AHRR: variants seen among roughly 807,000 people sequenced by gnomAD.
The protein encoded by AHRR is aryl hydrocarbon receptor repressor, also known as ahR repressor.
A neutral mutation model predicts 44.0 loss-of-function variants in AHRR; 28 were observed. The observed-to-expected ratio is 0.64, with a 90% CI of 0.47 to 0.87. The LOEUF (loss-of-function observed/expected upper bound fraction) is 0.87. AHRR is among the 40% of genes least tolerant of loss of function. The pLI is 0.00. For missense variants in AHRR, 990 were observed against 953.9 expected, an observed-to-expected ratio of 1.04 and a Z score of -0.50; for synonymous variants, 434 against 407.0, an observed-to-expected ratio of 1.07 and a Z score of -0.80.
intron 2 of AHRR, among the ~76,000 whole-genome samples, 183 bp from the exon 3 acceptor site, chr5:353,547 G>A (rs1383471503): frequency 6.6e-6 from 1 of 152,192 alleles, no homozygotes; most frequent in Non-Finnish European, 1.5e-5. Flanking sequence ...CTTGGCTGTT[G>A]TGCGCTGTGG....
rs1357825671 is a variant in AHRR at position 337,469 on chromosome 5, C to T, written c.-10-6424C>T. On this transcript the variant is annotated intron_variant, in intron 1 of 10. Coordinates refer to ENST00000684583, the MANE Select transcript of AHRR (RefSeq NM_001377236.1). This position sits in a 1 kb window ranked among gnomAD's most constrained non-coding sequence, Gnocchi z 4.1. ...TCTGGGCTCACTGCAGCCTTGACCT[C>T]CCAGGCTCAAGCGATACTCCTGCCT... Among the ~76,000 whole-genome samples, 1 of 152,158 alleles carries T rather than the reference C, an allele frequency of 6.6e-6. No individual in the cohort carries two copies. The highest frequency in any genetic ancestry group is 1.9e-4 in the East Asian group (1 of 5,196).
Position 427,941 on chromosome 5 carries a change from G to GA in AHRR, c.847dup (p.Met283AsnfsTer58). The GA allele has an allele frequency of 6.2e-7, 1 of 1,614,084 alleles. No homozygotes were observed. Among genetic ancestry groups the GA allele is most frequent in the Non-Finnish European group, 8.5e-7 (1 of 1,180,038 alleles). On this transcript the variant is annotated frameshift_variant, in exon 8 of 11. Transcript: ENST00000684583. The stretch of plus-strand genomic sequence containing the variant: ...TTCTCCTCCCCTCCGCAGCGGAGAT[G>GA]AAAATGAGGAGCGCGCTCCTGAGGG...
chr5:398,767 G>A (rs567385809), intron 4 of AHRR, among the ~76,000 whole-genome samples: 1 of 152,312 alleles, frequency 6.6e-6, no homozygotes, highest in South Asian at 2.1e-4. Context: ...GGGCTGGCAG[G>A]GCCTTCTGCC....
intron 5 of AHRR, 86 bp from the exon 6 acceptor site, chr5:422,643 G>A (rs1736182226): frequency 6.3e-7 from 1 of 1,587,014 alleles, no homozygotes; most frequent in South Asian, 1.1e-5. Context: ...CAAGTGGAGT[G>A]GAAATTTTTC....
At chr5:393,996 C>G (rs543908684) in intron 4 of AHRR, among the ~76,000 whole-genome samples, 5 of 152,316 alleles carry the variant, frequency 3.3e-5, no homozygotes, top group African/African-American at 1.2e-4. Flanking sequence ...TTCTTCCCAG[C>G]CGAGGTCTCT....
rs554225853 is a variant in AHRR at position 374,018 on chromosome 5, G to T, written c.245-2592G>T. 5.1e-3 allele frequency among the ~76,000 whole-genome samples: 780 copies of T among 152,184 alleles called. 11 individuals carry two copies. The highest frequency in any genetic ancestry group is 0.018 in the African/African-American group (732 of 41,556). On this transcript the variant is annotated intron_variant, in intron 3 of 10. Coordinates refer to ENST00000684583, the MANE Select transcript of AHRR (RefSeq NM_001377236.1). Reference sequence around the variant, plus strand: ...GCACCTACGCGCTTCTCGGGGAAAAGGCCGGGGCTGCCGGGTCCGCGGGGC... The same window carrying T: ...GCACCTACGCGCTTCTCGGGGAAAATGCCGGGGCTGCCGGGTCCGCGGGGC...
At chr5:399,667 G>A (rs1223074370) in intron 4 of AHRR, among the ~76,000 whole-genome samples, 5 of 152,272 alleles carry the variant, frequency 3.3e-5, no homozygotes, top group South Asian at 2.1e-4. Context: ...AGGTGAGGGC[G>A]GAGGCGGCGT....
At chr5:398,303 G>A (rs1355730295) in intron 4 of AHRR, among the ~76,000 whole-genome samples, 1 of 151,992 alleles carries the variant, frequency 6.6e-6, no homozygotes, top group Non-Finnish European at 1.5e-5. Flanking sequence ...GTTAGCCCCT[G>A]ACCTTCCGCG....
chr5:424,029 A>G, intron 7 of AHRR, 52 bp downstream of exon 7: 1 of 1,562,986 alleles, frequency 6.4e-7, no homozygotes, highest in Non-Finnish European at 8.6e-7. Context: ...GATGCATTCT[A>G]CCCTGGTGTG....
intron 4 of AHRR, among the ~76,000 whole-genome samples, chr5:413,062 G>A (rs556643105): frequency 2.0e-5 from 3 of 152,198 alleles, no homozygotes; most frequent in South Asian, 2.1e-4. Context: ...CTCCTGCCTC[G>A]TCTTAGGTAC....
intron 8 of AHRR, among the ~76,000 whole-genome samples, chr5:429,467 G>T (rs113129808): frequency 0.27 from 40,086 of 150,988 alleles, 6,860 homozygotes; most frequent in Non-Finnish European, 0.39. Flanking sequence ...AGGGCAGAGG[G>T]GTGGTCTGGG....
intron 10 of AHRR, 96 bp downstream of exon 10, chr5:433,043 A>G (rs1736812734): frequency 7.2e-7 from 1 of 1,393,982 alleles, no homozygotes; most frequent in South Asian, 1.5e-5. Flanking sequence ...GAAGAAAAAT[A>G]AAAAAGACGA....
At chr5:372,641 C>A (rs1270380686) in intron 3 of AHRR, among the ~76,000 whole-genome samples, 1 of 152,200 alleles carries the variant, frequency 6.6e-6, no homozygotes, top group Admixed American at 6.5e-5. Flanking sequence ...GGTGCGTGAT[C>A]TCCAATGGCA....
At chr5:322,431 C>CGTCCCACGGGCCT (rs1334506605) in intron 1 of AHRR, 1 of 152,030 alleles carries the variant, frequency 6.6e-6, no homozygotes, top group African/African-American at 2.4e-5. Context: ...TGTGCAGAAG[C>CGTCCCACGGGCCT]GTCCCACGGG....
intron 7 of AHRR, 178 bp from the exon 8 acceptor site, chr5:427,629 C>T (rs754981916): frequency 1.2e-6 from 2 of 1,613,108 alleles, no homozygotes; most frequent in Non-Finnish European, 8.5e-7. Flanking sequence ...CATCGAATCA[C>T]TCTGCAGGCC....
intron 4 of AHRR, among the ~76,000 whole-genome samples, chr5:393,385 C>T (rs148656386): frequency 5.3e-5 from 8 of 152,240 alleles, no homozygotes; most frequent in Admixed American, 3.3e-4. Flanking sequence ...TTCCTCCTCC[C>T]GAGTGTTCCT....
At chr5:380,531 A>G (rs1283373628) in intron 4 of AHRR, among the ~76,000 whole-genome samples, 1 of 152,190 alleles carries the variant, frequency 6.6e-6, no homozygotes, top group Non-Finnish European at 1.5e-5. Flanking sequence ...TTCAGCATAC[A>G]TATCCTGCAT....
intron 3 of AHRR, 38 bp downstream of exon 3, chr5:353,949 C>A (rs1742954845): frequency 6.3e-7 from 1 of 1,581,400 alleles, no homozygotes; most frequent in African/African-American, 1.3e-5. Context: ...TCACTTGAGT[C>A]AGGCTGTGTC....
At chr5:365,769 A>T (rs1344696249) in intron 3 of AHRR, among the ~76,000 whole-genome samples, 2 of 152,214 alleles carry the variant, frequency 1.3e-5, no homozygotes, top group African/African-American at 4.8e-5. Context: ...AACATAAATG[A>T]AAAAATTCCT....
Sources: gnomAD v4.1 joint callset for allele counts (sites outside exome capture counted in the v4.1 genomes callset) on GRCh38, gnomAD v4.1.1 for gene constraint, Gnocchi (gnomAD v3.1) non-coding constraint, MANE v1.5 for transcripts, NCBI Gene and HGNC (gene_info 2026-07-23, HGNC 2026-07-21) for gene names.